Variants in NFIB observed in about 807,000 individuals in gnomAD.
NFIB encodes nuclear factor I B.
NFIB carries 11 observed loss-of-function variants against 61.5 expected under a neutral mutation model. The observed-to-expected ratio is 0.18, with a 90% confidence interval of 0.11 to 0.30. The LOEUF (loss-of-function observed/expected upper bound fraction) is 0.30, where lower values mean the gene tolerates loss of function less well. Ranked by LOEUF, NFIB falls within the 10% of genes least tolerant of loss-of-function variation. The pLI, the probability that NFIB is intolerant of heterozygous loss-of-function variation, is 1.00. For missense variants in NFIB, 471 were observed against 608.9 expected (o/e 0.77, Z 2.38); for synonymous variants, 260 against 216.5 (o/e 1.20, Z -1.76).
intron 1 of NFIB, among the ~76,000 whole-genome samples, chr9:14,338,342 A>C (rs1314381321): frequency 5.3e-5 from 8 of 152,064 alleles, no homozygotes; most frequent in Non-Finnish European, 8.8e-5. Context: ...TGCAGTGAGC[A>C]GAGATCGCGC....
At chr9:14,346,293 C>CA (rs973168736) in intron 1 of NFIB, among the ~76,000 whole-genome samples, 1 of 136,492 alleles carries the variant, frequency 7.3e-6, no homozygotes, top group African/African-American at 2.6e-5. Flanking sequence ...AACCGACACC[C>CA]CCCCCCCGTA....
intron 1 of NFIB, among the ~76,000 whole-genome samples, chr9:14,363,140 C>T (rs1430904520): frequency 6.6e-6 from 1 of 152,056 alleles, no homozygotes; most frequent in Non-Finnish European, 1.5e-5. Flanking sequence ...GAAGTTGCAC[C>T]AAATTTTAGC....
chr9:14,251,738 C>G (rs1011907883), intron 2 of NFIB, among the ~76,000 whole-genome samples: 2 of 152,196 alleles, frequency 1.3e-5, no homozygotes, highest in African/African-American at 2.4e-5. Context: ...AAATCCTGCA[C>G]GGGCATCCTG....
intron 2 of NFIB, among the ~76,000 whole-genome samples, chr9:14,182,708 CTGTGTGTGTGTGTGTGTGTGTGTGTG>C (rs59897559): frequency 2.1e-5 from 2 of 96,994 alleles, no homozygotes; most frequent in East Asian, 2.9e-4. Context: ...CTCTCTCTCT[CTGTGTGTGTGTGTGTGTGTGTGTGTG>C]TGTGTGTGTG....
At chr9:14,282,476 T>C (rs1406297530) in intron 2 of NFIB, among the ~76,000 whole-genome samples, 1 of 152,228 alleles carries the variant, frequency 6.6e-6, no homozygotes, top group African/African-American at 2.4e-5. Context: ...TTACACATGG[T>C]GGACCACTTT....
chr9:14,371,951 C>T (rs1413024143), intron 1 of NFIB, among the ~76,000 whole-genome samples: 1 of 152,128 alleles, frequency 6.6e-6, no homozygotes, highest in Non-Finnish European at 1.5e-5. Context: ...GGATGCTCCC[C>T]ACTCTGCTCC....
chr9:14,405,159 C>T, the NFIB span, among the ~76,000 whole-genome samples: 39,923 of 152,086 alleles, frequency 0.26, 6,923 homozygotes, highest in African/African-American at 0.48. Context: ...CTTCAACTAT[C>T]AGCTGGCTGG....
At chr9:14,205,514 C>A (rs575125619) in intron 2 of NFIB, among the ~76,000 whole-genome samples, 1 of 151,996 alleles carries the variant, frequency 6.6e-6, no homozygotes, top group Admixed American at 6.5e-5. Context: ...AGGCTATGTT[C>A]ACAGCAGCCA....
chr9:14,251,350 G>C (rs1456629153), intron 2 of NFIB, among the ~76,000 whole-genome samples: 1 of 152,194 alleles, frequency 6.6e-6, no homozygotes, highest in African/African-American at 2.4e-5. Flanking sequence ...CCTAATGGCA[G>C]ACTGCCCATC....
intron 3 of NFIB, among the ~76,000 whole-genome samples, chr9:14,163,608 A>C (rs1181335522): frequency 6.6e-6 from 1 of 152,040 alleles, no homozygotes; most frequent in Non-Finnish European, 1.5e-5. Flanking sequence ...GCACCAAAAA[A>C]TATTATGAAT....
upstream of NFIB, among the ~76,000 whole-genome samples, chr9:14,400,174 G>A (rs766653848): frequency 4.6e-5 from 7 of 152,024 alleles, no homozygotes; most frequent in Non-Finnish European, 8.8e-5. Context: ...ACTTAAAATC[G>A]TTCCATATGC....
chr9:14,208,163 G>A (rs1259525090), intron 2 of NFIB, among the ~76,000 whole-genome samples: 4 of 152,086 alleles, frequency 2.6e-5, no homozygotes, highest in Non-Finnish European at 4.4e-5. Flanking sequence ...TGATTTTAAT[G>A]ACCTCAGGGT....
the NFIB span, among the ~76,000 whole-genome samples, chr9:14,449,623 G>C: frequency 2.0e-5 from 3 of 152,092 alleles, no homozygotes; most frequent in Admixed American, 6.6e-5. Flanking sequence ...AAAAACAAAA[G>C]TCAAAACAGA....
chr9:14,280,099 C>T (rs1688384198), intron 2 of NFIB, among the ~76,000 whole-genome samples: 1 of 152,082 alleles, frequency 6.6e-6, no homozygotes, highest in Admixed American at 6.6e-5. Context: ...AATCTGAGTC[C>T]TGTATATCTA....
At chr9:14,113,124 A>G (rs752669012) in intron 9 of NFIB, 43 bp from the exon 10 acceptor site, 1 of 1,528,234 alleles carries the variant, frequency 6.5e-7, no homozygotes, top group South Asian at 1.2e-5. Context: ...ATTGTGAACT[A>G]TCAGAACGAA....
chr9:14,172,317 T>C (rs996084434), intron 3 of NFIB, among the ~76,000 whole-genome samples: 2 of 151,830 alleles, frequency 1.3e-5, no homozygotes, highest in Non-Finnish European at 2.9e-5. Flanking sequence ...AATAAGTTGG[T>C]AGGTAGGAAT....
chr9:14,343,484 AG>A (rs2060977668), intron 1 of NFIB, among the ~76,000 whole-genome samples: 1 of 152,046 alleles, frequency 6.6e-6, no homozygotes, highest in South Asian at 2.1e-4. Context: ...GCTATTACAA[AG>A]GGTTTATTAA....
rs67699489 is a variant in NFIB, at chr9:14,346,290, A to ACCCCCC, written c.109-38776_109-38771dup. ...TCCGCAGTCACACGAGGTAACCGAC[A>ACCCCCC]CCCCCCCCCCGTAACCTGAGCTAAA... On this transcript the variant is annotated intron_variant, in intron 1 of 8. Coordinates refer to the NFIB transcript ENST00000380934. Among the ~76,000 whole-genome samples the ACCCCCC allele has an allele frequency of 3.9e-3, 346 of 88,264 alleles. 10 individuals carry two copies. Among genetic ancestry groups the ACCCCCC allele is most frequent in the South Asian group, 8.8e-3 (17 of 1,940 alleles). The allele number at this position is 88,264 out of a possible 152,430, so 57.9% of individuals were successfully genotyped here. A position where few individuals can be genotyped will look rare whatever the true frequency, so the allele number is the denominator to read the frequency against.
chr9:14,128,589 T>C (rs1314807968), intron 6 of NFIB, among the ~76,000 whole-genome samples: 1 of 151,438 alleles, frequency 6.6e-6, no homozygotes, highest in African/African-American at 2.4e-5. Context: ...TCCTAGCTAC[T>C]TGGGAGGCTG....
Sources: gnomAD v4.1 joint callset for allele counts (sites outside exome capture counted in the v4.1 genomes callset) on GRCh38, gnomAD v4.1.1 for gene constraint, MANE v1.5 for transcripts, NCBI Gene and HGNC (gene_info 2026-07-23, HGNC 2026-07-21) for gene names.